Variants in TMCC2 observed in about 807,000 individuals in gnomAD.
TMCC2 encodes the protein transmembrane and coiled-coil domains protein 2.
A neutral mutation model predicts 49.4 loss-of-function variants in TMCC2; 16 were observed. The ratio of observed to expected loss-of-function variants is 0.32; its 90% CI spans 0.22 to 0.49. TMCC2 has a LOEUF of 0.49. TMCC2 is among the 20% of genes least tolerant of loss of function. The pLI, the probability that TMCC2 is intolerant of heterozygous loss-of-function variation, is 0.99. For synonymous variants in TMCC2, 397 were observed against 434.1 expected (o/e 0.91, Z 1.06); for missense variants, 762 against 989.8 (o/e 0.77, Z 3.09).
At chr1:205,248,723 T>C (rs1370487684) in intron 2 of TMCC2, among the ~76,000 whole-genome samples, 2 of 151,710 alleles carry the variant, frequency 1.3e-5, no homozygotes, top group African/African-American at 2.4e-5. Flanking sequence ...CCCTCTTCTT[T>C]TTTTTTTTTA....
chr1:205,261,232 ACT>A (rs1661102240), intron 2 of TMCC2, among the ~76,000 whole-genome samples: 1 of 118,116 alleles, frequency 8.5e-6, no homozygotes, highest in Non-Finnish European at 1.6e-5. Context: ...GCAGGGTCTC[ACT>A]CTGTTGCCCA....
In TMCC2 at chr1:205,264,491, T is replaced by G. The variant is rs930553697; in HGVS notation, c.748-4459T>G. On this transcript the variant is annotated intron_variant, in intron 2 of 4. Transcript: ENST00000358024. This position sits in a 1 kb window ranked among gnomAD's most constrained non-coding sequence, Gnocchi z 4.2. ...ATGCCACCACACTCAGTTAATTTTG[T>G]TTTTTTTTTTTGGGACGGAGTCTCG... is the stretch of plus-strand genomic sequence containing the variant. Among the ~76,000 whole-genome samples, 7 of 77,802 alleles carry G rather than the reference T, an allele frequency of 9.0e-5. No homozygotes were observed. Among genetic ancestry groups the G allele is most frequent in the African/African-American group, 1.8e-4 (5 of 28,318 alleles). The allele number at this position is 77,802 out of a possible 152,430, so 51.0% of individuals were successfully genotyped here.
intron 2 of TMCC2, among the ~76,000 whole-genome samples, chr1:205,248,697 G>C (rs903728909): frequency 2.0e-5 from 3 of 151,972 alleles, no homozygotes; most frequent in Non-Finnish European, 4.4e-5. Context: ...AACAGATGAG[G>C]TCCCCACCCT....
intron 1 of TMCC2, among the ~76,000 whole-genome samples, chr1:205,236,092 A>G (rs1660035765): frequency 6.6e-6 from 1 of 150,452 alleles, no homozygotes; most frequent in Non-Finnish European, 1.5e-5. Flanking sequence ...AAAAAAGAAC[A>G]GTTATTTTTA....
Position 205,241,668 on chromosome 1 carries a change from A to G in TMCC2, c.371A>G (p.Glu124Gly), listed in dbSNP as rs1660268325. 6.2e-7 allele frequency: 1 copy of G among 1,613,746 alleles called. No homozygotes were observed. Among genetic ancestry groups the G allele is most frequent in the Non-Finnish European group, 8.5e-7 (1 of 1,179,976 alleles). ...GACCATGACTCCCCAGATGAGAAGGAGCGCTCTCCGGAGATGCATCGCGTC... is the reference window on the plus strand; with the variant it reads ...GACCATGACTCCCCAGATGAGAAGGGGCGCTCTCCGGAGATGCATCGCGTC... ...MSDHDSPDEK[E>G]RSPEMHRVSY... is the part of the protein sequence containing the mutation. Residue 124 changes from glutamate to glycine, a missense_variant, in exon 2 of 5, where the codon GAG (glutamate) becomes GGG (glycine). Glu to Gly is a moderately conservative substitution (Grantham distance 98). Around this residue, in one of 2 missense-constraint regions of TMCC2, gnomAD observed 322 missense variants for 353.1 expected, o/e 0.91. Transcript: ENST00000358024. This position sits in a 1 kb window ranked among gnomAD's most constrained non-coding sequence, Gnocchi z 7.3.
At chr1:205,256,096 G>A (rs538593667) in intron 2 of TMCC2, 3 of 859,850 alleles carry the variant, frequency 3.5e-6, no homozygotes, top group East Asian at 6.1e-5. Flanking sequence ...CCCAGAGATA[G>A]CACTGGGCCC....
chr1:205,258,368 G>T lies in TMCC2; in HGVS notation c.748-10582G>T, dbSNP rs531884833. 7.9e-5 allele frequency among the ~76,000 whole-genome samples: 12 copies of T among 152,272 alleles called. 1 individual carries two copies. The highest frequency in any genetic ancestry group is 2.9e-4 in the African/African-American group (12 of 41,544). On this transcript the variant is annotated intron_variant, in intron 2 of 4. Transcript: ENST00000358024. ...TACAGGGGTTTTGTCACCCCCTTGT[G>T]CCCATGGTGAACTGACTCAGGTCCA...
intron 2 of TMCC2, among the ~76,000 whole-genome samples, chr1:205,265,631 G>A (rs1220378941): frequency 1.3e-5 from 2 of 150,082 alleles, no homozygotes; most frequent in Non-Finnish European, 3.0e-5. Context: ...GCGTGATCTC[G>A]GCTCACTGCA....
intron 1 of TMCC2, among the ~76,000 whole-genome samples, chr1:205,238,628 A>G (rs1180039067): frequency 6.6e-6 from 1 of 152,028 alleles, no homozygotes; most frequent in African/African-American, 2.4e-5. Flanking sequence ...AGTTCAGGGG[A>G]CCTAACAACC....
At chr1:205,270,026 C>G (rs1661518530) in intron 3 of TMCC2, 142 bp downstream of exon 3, 2 of 749,058 alleles carry the variant, frequency 2.7e-6, no homozygotes. Flanking sequence ...GCACGAGGCC[C>G]TAAGGAGCCT....
chr1:205,233,097 G>A (rs1409021404), intron 1 of TMCC2, among the ~76,000 whole-genome samples: 2 of 151,112 alleles, frequency 1.3e-5, no homozygotes, highest in Non-Finnish European at 2.9e-5. Context: ...TGTGATGGAA[G>A]TCTGAAGGCA....
chr1:205,267,883 C>G (rs1661409275), intron 2 of TMCC2: 2 of 985,194 alleles, frequency 2.0e-6, no homozygotes, highest in African/African-American at 3.5e-5. Flanking sequence ...GGCCCCCAAA[C>G]TGGTCCCTGC....
chr1:205,270,007 A>C, intron 3 of TMCC2, 123 bp downstream of exon 3: 2 of 927,052 alleles, frequency 2.2e-6, no homozygotes, highest in Non-Finnish European at 3.2e-6. Flanking sequence ...TGGCTGCTGG[A>C]AGGAGCCAGC....
chr1:205,232,994 GAAA>G (rs36013713), intron 1 of TMCC2, among the ~76,000 whole-genome samples: 2 of 105,316 alleles, frequency 1.9e-5, no homozygotes, highest in Admixed American at 1.1e-4. Flanking sequence ...AACAACAACC[GAAA>G]AAAAAAAAAA....
intron 1 of TMCC2, chr1:205,233,771 A>T (rs1243679871): frequency 6.6e-6 from 1 of 151,870 alleles, no homozygotes; most frequent in Non-Finnish European, 1.5e-5. Context: ...CCCGAGAAGC[A>T]CCTGCTTGTT....
In TMCC2 at chr1:205,241,857, C is replaced by T; in HGVS notation, c.560C>T (p.Ser187Phe). 1 of 1,601,140 alleles carries T rather than the reference C, an allele frequency of 6.2e-7. No individual in the cohort carries two copies. Among genetic ancestry groups the T allele is most frequent in the East Asian group, 2.3e-5 (1 of 44,324 alleles). ...AGCAGCCGGCGCACCAAGAGTAGCT[C>T]CCTGGAGCCCCAGCGTGGCAGCCCT... ...GSSSRRTKSS[S>F]LEPQRGSPHL... Residue 187 changes from serine to phenylalanine, a missense_variant, in exon 2 of 5, where the codon TCC (serine) becomes TTC (phenylalanine). By Grantham distance (155) the Ser-to-Phe change is radical (BLOSUM62 -2). This residue lies in a region of TMCC2 where 322 missense variants were observed against 353.1 expected (regional missense o/e 0.91). Coordinates refer to ENST00000358024, the MANE Select transcript of TMCC2 (RefSeq NM_014858.4). This position sits in a 1 kb window ranked among gnomAD's most constrained non-coding sequence, Gnocchi z 7.3.
intron 1 of TMCC2, chr1:205,229,746 C>G (rs1005557308): frequency 2.8e-5 from 28 of 985,356 alleles, no homozygotes; most frequent in Non-Finnish European, 3.1e-5. Context: ...GAGCCAGCAG[C>G]TAGAACCAGA....
In TMCC2 at chr1:205,228,474, C is replaced by T. The variant is rs79431750; in HGVS notation, c.-91C>T. The T allele has an allele frequency of 0.025, 28,165 of 1,123,238 alleles. 431 individuals carry two copies. Among genetic ancestry groups the T allele is most frequent in the Non-Finnish European group, 0.03 (23,664 of 787,954 alleles). 69.6% of individuals were successfully genotyped at this position (1,123,238 alleles called of 1,614,324 possible). A position where few individuals can be genotyped will look rare whatever the true frequency, so the allele number is the denominator to read the frequency against. On this transcript the variant is annotated 5_prime_UTR_variant, in exon 1 of 5. Transcript: ENST00000358024. The stretch of plus-strand genomic sequence containing the variant: ...TCCCCTCCTTGTTAATAATTTAGAC[C>T]CCAGGCCTCATATGAATATAAGAGG...
At chr1:205,259,636 A>G (rs1661023003) in intron 2 of TMCC2, among the ~76,000 whole-genome samples, 1 of 152,176 alleles carries the variant, frequency 6.6e-6, no homozygotes, top group Non-Finnish European at 1.5e-5. Context: ...TGTGAGAGGA[A>G]GCACCGGTGT....
Sources: allele counts gnomAD v4.1 joint callset (sites outside exome capture counted in the v4.1 genomes callset), GRCh38; gene constraint gnomAD v4.1.1; regional missense constraint gnomAD v4.1.1; non-coding constraint Gnocchi (gnomAD v3.1); transcripts MANE v1.5; gene names NCBI Gene and HGNC (gene_info 2026-07-23, HGNC 2026-07-21).